The following C3orf49 variants were observed in gnomAD, a reference collection of about 807,000 sequenced individuals.
The protein encoded by C3orf49 is putative uncharacterized protein C3orf49.
In C3orf49, 27 loss-of-function variants were observed where a neutral mutation model predicts 13.3. The observed-to-expected ratio is 2.02, with a 90% confidence interval of 1.49 to 2.79. The LOEUF (loss-of-function observed/expected upper bound fraction) is 2.79, where lower values mean the gene tolerates loss of function less well. Ranked by LOEUF, C3orf49 falls within the 30% of genes most tolerant of loss-of-function variation. The probability of loss-of-function intolerance (pLI) is 0.00; values close to 1 mark genes in which losing one functional copy is unlikely to be tolerated. For missense variants in C3orf49, 242 were observed against 134.2 expected (o/e 1.80, Z -3.97); for synonymous variants, 87 against 47.6 (o/e 1.83, Z -3.40).
chr3:63,831,287 C>T (rs1258993157), intron 4 of C3orf49, 64 bp downstream of exon 4: 10 of 682,348 alleles, frequency 1.5e-5, no homozygotes, highest in South Asian at 3.1e-5. Context: ...CTTAAGTAAA[C>T]GCACAGCCCT....
chr3:63,839,970 A>G (rs1344302593), intron 5 of C3orf49, among the ~76,000 whole-genome samples: 1 of 152,208 alleles, frequency 6.6e-6, no homozygotes, highest in Non-Finnish European at 1.5e-5. Context: ...GTTATTGTAT[A>G]TAATAAAAAA....
chr3:63,784,383 G>A, the C3orf49 span, among the ~76,000 whole-genome samples: 1 of 152,128 alleles, frequency 6.6e-6, no homozygotes, highest in East Asian at 1.9e-4. Context: ...AAACTGTGAT[G>A]GCTATAATCC....
upstream of C3orf49, among the ~76,000 whole-genome samples, chr3:63,817,828 C>G (rs1033338560): frequency 1.8e-4 from 28 of 152,162 alleles, no homozygotes; most frequent in African/African-American, 6.7e-4. Flanking sequence ...CACCCATGCA[C>G]AAATAAAAAA....
Position 63,844,949 on chromosome 3 carries a change from T to G in C3orf49, c.850-74T>G, listed in dbSNP as rs1347958703. 3 of 608,680 alleles carry G rather than the reference T, an allele frequency of 4.9e-6. No individual in the cohort carries two copies. In the African/African-American group the frequency reaches 5.5e-5, roughly 11 times the overall value. The allele number at this position is 608,680 out of a possible 1,614,324, so 37.7% of individuals were successfully genotyped here. ...TACCTGAAAATGTGGAAGCGGCAAG[T>G]GTTGCCCAAGTCTAGAATCATAAAT... On this transcript the variant is annotated intron_variant, in intron 5 of 6. Transcript: ENST00000295896.
chr3:63,842,559 G>A (rs1012385300), intron 5 of C3orf49, among the ~76,000 whole-genome samples: 4 of 152,154 alleles, frequency 2.6e-5, no homozygotes, highest in African/African-American at 9.7e-5. Flanking sequence ...CAACCTGGAT[G>A]GAGCTGGAGG....
the C3orf49 span, among the ~76,000 whole-genome samples, chr3:63,794,366 C>T: frequency 6.7e-6 from 1 of 149,268 alleles, no homozygotes; most frequent in African/African-American, 2.4e-5. Flanking sequence ...GTCACTAACT[C>T]CTGCATTATT....
the C3orf49 span, among the ~76,000 whole-genome samples, chr3:63,810,867 GAC>G: frequency 6.6e-6 from 1 of 152,176 alleles, no homozygotes; most frequent in African/African-American, 2.4e-5. Context: ...TTTTGTTTGA[GAC>G]AGAGTCTCAC....
At chr3:63,835,696 T>C (rs1387329473) in intron 5 of C3orf49, among the ~76,000 whole-genome samples, 1 of 152,120 alleles carries the variant, frequency 6.6e-6, no homozygotes, top group Non-Finnish European at 1.5e-5. Flanking sequence ...GAGGGTTTTT[T>C]ATTTTGGTAA....
At chr3:63,785,065 C>CTTTTTTTTTTTTTTTTTTTTTT in the C3orf49 span, among the ~76,000 whole-genome samples, 2 of 64,944 alleles carry the variant, frequency 3.1e-5, no homozygotes, top group African/African-American at 6.8e-5. Context: ...TCTTCTTCTT[C>CTTTTTTTTTTTTTTTTTTTTTT]TTTTTTTTTT....
chr3:63,839,615 A>T, intron 5 of C3orf49: 1 of 1,554,208 alleles, frequency 6.4e-7, no homozygotes, highest in Non-Finnish European at 8.9e-7. Context: ...CTAAAATCAC[A>T]TTAGGACACT....
rs762436558 is a variant in C3orf49, at chr3:63,836,382, C to CA, written c.849+4541dup. On this transcript the variant is annotated intron_variant, in intron 5 of 6. Transcript: ENST00000295896. ...TTCTGTAAGACATAAAAATATTTAT[C>CA]AAACTAAGGATTTTTTGAATGTGAA... The CA allele has an allele frequency of 8.1e-6, 13 of 1,607,344 alleles. No homozygotes were observed. In the East Asian group the frequency reaches 2.5e-4, roughly 30 times the overall value.
the C3orf49 span, among the ~76,000 whole-genome samples, chr3:63,807,851 T>C: frequency 2.0e-5 from 1 of 49,756 alleles, no homozygotes; most frequent in Non-Finnish European, 3.9e-5. Context: ...GAGTGAAACT[T>C]CATCTCAAAA....
At chr3:63,846,226 AGCAGTTAAAC>A in intron 6 of C3orf49, 1 of 451,636 alleles carries the variant, frequency 2.2e-6, no homozygotes, top group Middle Eastern at 3.3e-4. Context: ...CCCTGAAAAA[AGCAGTTAAAC>A]AGTTTCCTTA....
At chr3:63,793,624 C>G in the C3orf49 span, among the ~76,000 whole-genome samples, 1 of 152,036 alleles carries the variant, frequency 6.6e-6, no homozygotes, top group African/African-American at 2.4e-5. Context: ...TCCACTGCCA[C>G]TATTTAAAAT....
chr3:63,794,466 C>T, the C3orf49 span, among the ~76,000 whole-genome samples: 5 of 152,086 alleles, frequency 3.3e-5, no homozygotes, highest in Non-Finnish European at 7.4e-5. Flanking sequence ...TCCCTTGATT[C>T]CAAAATCTCC....
intron 5 of C3orf49, 118 bp downstream of exon 5, chr3:63,831,962 A>AG: frequency 1.7e-6 from 1 of 589,196 alleles, no homozygotes; most frequent in Non-Finnish European, 3.0e-6. Context: ...TGGGAGGCCG[A>AG]GCGAGTGGAT....
the C3orf49 span, among the ~76,000 whole-genome samples, chr3:63,803,421 G>T: frequency 0.085 from 12,953 of 152,198 alleles, 1,301 homozygotes; most frequent in African/African-American, 0.24. Flanking sequence ...GCCCAGAGAA[G>T]AATGTCCCTC....
chr3:63,820,709 C>T (rs367795100), intron 1 of C3orf49, among the ~76,000 whole-genome samples: 24 of 152,108 alleles, frequency 1.6e-4, no homozygotes, highest in Non-Finnish European at 2.6e-4. Flanking sequence ...GAGGGGTCTA[C>T]GGGAGATTAA....
At chr3:63,787,649 G>A in the C3orf49 span, among the ~76,000 whole-genome samples, 4 of 152,136 alleles carry the variant, frequency 2.6e-5, no homozygotes, top group Non-Finnish European at 5.9e-5. Context: ...GAAAGCCACC[G>A]AAATGAAAGT....
Sources: gnomAD v4.1 joint callset for allele counts (sites outside exome capture counted in the v4.1 genomes callset) on GRCh38, gnomAD v4.1.1 for gene constraint, MANE v1.5 for transcripts, NCBI Gene and HGNC (gene_info 2026-07-23, HGNC 2026-07-21) for gene names.